The following KCNIP4 variants were observed in gnomAD, a reference collection of about 807,000 sequenced individuals.
KCNIP4 encodes the protein potassium voltage-gated channel interacting protein 4.
In KCNIP4, 12 loss-of-function variants were observed where a neutral mutation model predicts 34.0. That is an observed-to-expected ratio of 0.35 (90% confidence interval 0.23 to 0.57). The LOEUF (loss-of-function observed/expected upper bound fraction) is 0.57. Among genes scored for constraint, KCNIP4 ranks in the 20% least tolerant of loss-of-function variants. The pLI is 0.83. For synonymous variants in KCNIP4, 124 were observed against 102.2 expected (o/e 1.21, Z -1.29); for missense variants, 238 against 311.7 (o/e 0.76, Z 1.78).
At chr4:20,854,032 A>T (rs569257398) in intron 2 of KCNIP4, among the ~76,000 whole-genome samples, 17 of 152,312 alleles carry the variant, frequency 1.1e-4, no homozygotes, top group South Asian at 2.1e-4. Flanking sequence ...ACACTTCTAC[A>T]TTCCTTGTGG....
chr4:21,637,655 C>T (rs1746300878), intron 1 of KCNIP4, among the ~76,000 whole-genome samples: 2 of 151,708 alleles, frequency 1.3e-5, no homozygotes, highest in Admixed American at 1.3e-4. Context: ...TGGTGGCGCA[C>T]ACCTGTAATC....
At chr4:20,848,493 A>AG (rs1409181750) in intron 3 of KCNIP4, among the ~76,000 whole-genome samples, 9 of 142,536 alleles carry the variant, frequency 6.3e-5, no homozygotes, top group Admixed American at 6.2e-4. Context: ...GCAACAAAAA[A>AG]AAACATAAAA....
chr4:21,011,095 A>G lies in KCNIP4; in HGVS notation c.62-128386T>C, dbSNP rs1739023291. Among the ~76,000 whole-genome samples, 3 of 152,208 alleles carry G rather than the reference A, an allele frequency of 2.0e-5. No homozygotes were observed. The South Asian group carries it at 6.2e-4, about 31-fold the overall frequency. The stretch of plus-strand genomic sequence containing the variant: ...GGGCAAAAGATGAATCATAATTTTG[A>G]TTGTAATTGGGGGCAGTGAGAGAGG... On this transcript the variant is annotated intron_variant, in intron 1 of 8. Coordinates refer to ENST00000382152, the MANE Select transcript of KCNIP4 (RefSeq NM_025221.6).
intron 1 of KCNIP4, among the ~76,000 whole-genome samples, chr4:20,940,101 T>C (rs964680451): frequency 6.6e-6 from 1 of 152,194 alleles, no homozygotes; most frequent in Non-Finnish European, 1.5e-5. Context: ...GATGTGCCTC[T>C]GGTTTTGTGG....
intron 3 of KCNIP4, among the ~76,000 whole-genome samples, chr4:20,791,144 C>A (rs1712700141): frequency 6.6e-6 from 1 of 151,948 alleles, no homozygotes. Flanking sequence ...AGTTAGAAGA[C>A]AATAGAACAA....
intron 1 of KCNIP4, among the ~76,000 whole-genome samples, chr4:21,546,650 T>C (rs911014799): frequency 2.6e-5 from 4 of 152,178 alleles, no homozygotes; most frequent in Admixed American, 6.6e-5. Flanking sequence ...AATCTGAATG[T>C]TTGAGCCATT....
chr4:20,835,313 C>T (rs1033721325), intron 3 of KCNIP4, among the ~76,000 whole-genome samples: 2 of 151,488 alleles, frequency 1.3e-5, no homozygotes, highest in Non-Finnish European at 2.9e-5. Context: ...CCTTTTGTCT[C>T]TTTTAAGTCA....
At position 20,857,561 on chromosome 4, in the gene KCNIP4, A is replaced by G. The variant is rs114041575; in HGVS notation, c.164-6894T>C. Among the ~76,000 whole-genome samples the G allele has an allele frequency of 8.2e-3, 1,148 of 140,436 alleles. 12 individuals carry two copies. Among genetic ancestry groups the G allele is most frequent in the African/African-American group, 0.03 (1,104 of 36,682 alleles). The allele number at this position is 140,436 out of a possible 152,430, so 92.1% of individuals were successfully genotyped here. On this transcript the variant is annotated intron_variant, in intron 2 of 8. Coordinates refer to ENST00000382152, the MANE Select transcript of KCNIP4 (RefSeq NM_025221.6). ...CAAATATGTGTTTATATATACATAA[A>G]AACATAACATATATATCTCCTATGC...
At chr4:20,937,206 G>C (rs1299520959) in intron 1 of KCNIP4, among the ~76,000 whole-genome samples, 1 of 143,894 alleles carries the variant, frequency 6.9e-6, no homozygotes, top group Non-Finnish European at 1.5e-5. Context: ...ATGAGCAAAA[G>C]GTGCCCCCAA....
At chr4:21,396,271 C>T (rs1489246230) in intron 1 of KCNIP4, among the ~76,000 whole-genome samples, 2 of 151,660 alleles carry the variant, frequency 1.3e-5, no homozygotes, top group Non-Finnish European at 2.9e-5. Context: ...AATGAGGATC[C>T]TGGGCCGGGT....
At position 21,076,666 on chromosome 4, in the gene KCNIP4, C is replaced by G. The variant is rs570761925; in HGVS notation, c.62-193957G>C. 2.0e-5 allele frequency among the ~76,000 whole-genome samples: 3 copies of G among 152,196 alleles called. No homozygotes were observed. In the South Asian group the frequency reaches 6.2e-4, roughly 32 times the overall value. On this transcript the variant is annotated intron_variant, in intron 1 of 8. Transcript: ENST00000382152. ...GGCCAACAATTCGTATGTTAATTAT[C>G]TGAAATGATGAAATCATTCAATACA...
chr4:20,846,350 A>T (rs1157462512), intron 3 of KCNIP4, among the ~76,000 whole-genome samples: 1 of 152,226 alleles, frequency 6.6e-6, no homozygotes, highest in Admixed American at 6.5e-5. Flanking sequence ...CAGCATTGGC[A>T]TCACTATATT....
At chr4:21,323,998 A>T (rs1485932589) in intron 1 of KCNIP4, among the ~76,000 whole-genome samples, 4 of 152,108 alleles carry the variant, frequency 2.6e-5, no homozygotes, top group African/African-American at 9.6e-5. Flanking sequence ...TCTAATGACC[A>T]GTGATGTTGA....
chr4:21,092,717 G>A (rs145750926), intron 1 of KCNIP4, among the ~76,000 whole-genome samples: 161 of 152,246 alleles, frequency 1.1e-3, no homozygotes, highest in Non-Finnish European at 1.7e-3. Context: ...TGAGGGGCAG[G>A]GAGCATACTC....
intron 1 of KCNIP4, among the ~76,000 whole-genome samples, chr4:21,434,078 T>C (rs1044419345): frequency 2.0e-5 from 3 of 152,196 alleles, no homozygotes; most frequent in African/African-American, 7.2e-5. Flanking sequence ...CTGCCCAAGA[T>C]ATCCCAGACA....
chr4:20,750,977 A>G (rs1038261313), intron 4 of KCNIP4, among the ~76,000 whole-genome samples: 2 of 152,210 alleles, frequency 1.3e-5, no homozygotes, highest in Non-Finnish European at 2.9e-5. Flanking sequence ...ACAGGAGTAC[A>G]GAATTGCCCT....
chr4:21,141,547 C>T (rs1246242286), intron 1 of KCNIP4, among the ~76,000 whole-genome samples: 1 of 152,100 alleles, frequency 6.6e-6, no homozygotes, highest in Non-Finnish European at 1.5e-5. Context: ...AATTTGGTCT[C>T]TTCTCTGTAG....
intron 1 of KCNIP4, among the ~76,000 whole-genome samples, chr4:21,733,787 T>C (rs1715787215): frequency 6.6e-6 from 1 of 152,082 alleles, no homozygotes. Context: ...AATGGGGACA[T>C]AAAAAAATTC....
intron 1 of KCNIP4, among the ~76,000 whole-genome samples, chr4:20,980,205 G>A (rs1490210839): frequency 6.6e-6 from 1 of 152,212 alleles, no homozygotes; most frequent in Admixed American, 6.5e-5. Flanking sequence ...CAGAATGTAA[G>A]CTTGTTGAGG....
Sources: allele counts gnomAD v4.1 joint callset (sites outside exome capture counted in the v4.1 genomes callset), GRCh38; gene constraint gnomAD v4.1.1; transcripts MANE v1.5; gene names NCBI Gene and HGNC (gene_info 2026-07-23, HGNC 2026-07-21).